TMEM108: variants seen among roughly 807,000 people sequenced by gnomAD.
The protein encoded by TMEM108 is cancer/testis antigen 124.
A neutral mutation model predicts 35.1 loss-of-function variants in TMEM108; 12 were observed. That is an observed-to-expected ratio of 0.34 (90% CI 0.22 to 0.55). TMEM108 has a LOEUF of 0.55. Among genes scored for constraint, TMEM108 ranks in the 20% least tolerant of loss-of-function variants. The probability of loss-of-function intolerance (pLI) is 0.89; values close to 1 mark genes in which losing one functional copy is unlikely to be tolerated. For missense variants in TMEM108, 680 were observed against 753.3 expected (o/e 0.90, Z 1.14); for synonymous variants, 287 against 308.6 (o/e 0.93, Z 0.73).
intron 4 of TMEM108, chr3:133,386,546 C>A: frequency 6.6e-7 from 1 of 1,516,722 alleles, no homozygotes; most frequent in South Asian, 1.2e-5. Flanking sequence ...GGATGACTCC[C>A]CAGTGACATT....
intron 2 of TMEM108, among the ~76,000 whole-genome samples, chr3:133,144,134 C>A (rs886577752): frequency 6.6e-6 from 1 of 151,910 alleles, no homozygotes; most frequent in African/African-American, 2.4e-5. Flanking sequence ...CCGCCCACAC[C>A]CTGACAGGCC....
chr3:133,123,213 G>C (rs1190668423), intron 2 of TMEM108, among the ~76,000 whole-genome samples: 1 of 152,058 alleles, frequency 6.6e-6, no homozygotes, highest in Non-Finnish European at 1.5e-5. Context: ...CATTGCATTG[G>C]TTTGCCATAA....
intron 3 of TMEM108, among the ~76,000 whole-genome samples, chr3:133,257,669 T>A (rs1300047300): frequency 6.6e-6 from 1 of 152,200 alleles, no homozygotes; most frequent in African/African-American, 2.4e-5. Flanking sequence ...TCCTTCCCCA[T>A]CTTTGAGAGC....
chr3:133,049,428 C>T (rs567759673), intron 2 of TMEM108, among the ~76,000 whole-genome samples: 29 of 152,294 alleles, frequency 1.9e-4, no homozygotes, highest in African/African-American at 7.0e-4. Flanking sequence ...ATCTGTTAGA[C>T]AGCACTGTTT....
At chr3:133,263,182 G>A (rs780686110) in intron 3 of TMEM108, among the ~76,000 whole-genome samples, 1 of 152,162 alleles carries the variant, frequency 6.6e-6, no homozygotes, top group African/African-American at 2.4e-5. Flanking sequence ...TACTTTCTTA[G>A]AGAAAAATAA....
intron 2 of TMEM108, among the ~76,000 whole-genome samples, chr3:133,176,271 A>C (rs1436279802): frequency 6.6e-6 from 1 of 152,074 alleles, no homozygotes; most frequent in African/African-American, 2.4e-5. Context: ...AACAAGACAG[A>C]AGGTTAACAA....
intron 2 of TMEM108, among the ~76,000 whole-genome samples, chr3:133,100,282 A>T (rs574173427): frequency 6.6e-6 from 1 of 152,188 alleles, no homozygotes; most frequent in Non-Finnish European, 1.5e-5. Flanking sequence ...AATTCTGGAG[A>T]TACAACTATA....
At chr3:133,273,846 A>T (rs1282671834) in intron 3 of TMEM108, among the ~76,000 whole-genome samples, 1 of 152,026 alleles carries the variant, frequency 6.6e-6, no homozygotes, top group African/African-American at 2.4e-5. Context: ...ACTCACTACC[A>T]CTCTGTGAGA....
chr3:133,070,745 A>ATGTGTGTGTG (rs10530634), intron 2 of TMEM108, among the ~76,000 whole-genome samples: 6,018 of 148,326 alleles, frequency 0.041, 151 homozygotes, highest in Middle Eastern at 0.088. Context: ...TCTCTGATGT[A>ATGTGTGTGTG]TGTGTGTGTG....
At chr3:133,117,035 G>A (rs1298172311) in intron 2 of TMEM108, among the ~76,000 whole-genome samples, 1 of 152,210 alleles carries the variant, frequency 6.6e-6, no homozygotes, top group African/African-American at 2.4e-5. Context: ...CTTCCAAAGT[G>A]CTGGGATTAC....
At chr3:133,388,866 G>C (rs1283143305) in intron 4 of TMEM108, 1 of 985,796 alleles carries the variant, frequency 1.0e-6, no homozygotes, top group Non-Finnish European at 1.2e-6. Flanking sequence ...CACCCCTGAT[G>C]CTGGCCAGAC....
intron 3 of TMEM108, among the ~76,000 whole-genome samples, chr3:133,332,323 A>C (rs1228569950): frequency 6.6e-6 from 1 of 152,214 alleles, no homozygotes; most frequent in Non-Finnish European, 1.5e-5. Context: ...AAAGTGGCTG[A>C]GGTGTCCAAT....
chr3:133,357,592 A>G (rs2072212689), intron 3 of TMEM108, among the ~76,000 whole-genome samples: 2 of 152,358 alleles, frequency 1.3e-5, no homozygotes, highest in South Asian at 4.1e-4. Flanking sequence ...AACACTACTC[A>G]GCCATAAAAA....
chr3:133,292,646 C>T (rs1446506512), intron 3 of TMEM108, among the ~76,000 whole-genome samples: 1 of 152,158 alleles, frequency 6.6e-6, no homozygotes, highest in East Asian at 1.9e-4. Flanking sequence ...GCTATGGGGA[C>T]CCTGGAGACA....
intron 2 of TMEM108, among the ~76,000 whole-genome samples, chr3:133,204,965 C>A (rs1337914094): frequency 1.3e-5 from 2 of 152,310 alleles, no homozygotes; most frequent in African/African-American, 4.8e-5. Flanking sequence ...TAAGAACTTA[C>A]TTTATGAATC....
Position 133,169,613 on chromosome 3 carries a change from T to C in TMEM108, c.-46-59653T>C, listed in dbSNP as rs143114634. On this transcript the variant is annotated intron_variant, in intron 2 of 5. Coordinates refer to ENST00000321871, the MANE Select transcript of TMEM108 (RefSeq NM_023943.4). Reference sequence around the variant, plus strand: ...CTAGAACAAATCATACTATGGAATATTATCAAAGCTATCATTTCCCATGTA... The same window carrying C: ...CTAGAACAAATCATACTATGGAATACTATCAAAGCTATCATTTCCCATGTA... Among the ~76,000 whole-genome samples the C allele has an allele frequency of 5.0e-3, 764 of 152,308 alleles. 8 individuals carry two copies. The highest frequency in any genetic ancestry group is 0.017 in the African/African-American group (727 of 41,570).
intron 2 of TMEM108, among the ~76,000 whole-genome samples, chr3:133,068,402 A>G (rs545430977): frequency 3.9e-4 from 60 of 152,272 alleles, no homozygotes; most frequent in African/African-American, 1.4e-3. Flanking sequence ...GAGGCAGGAT[A>G]AAACTGGCAT....
chr3:133,099,297 C>T (rs1201460742), intron 2 of TMEM108, among the ~76,000 whole-genome samples: 1 of 152,180 alleles, frequency 6.6e-6, no homozygotes, highest in Non-Finnish European at 1.5e-5. Context: ...TCCTAGGCTG[C>T]ACGCAGCATG....
chr3:133,082,684 C>A (rs938831929), intron 2 of TMEM108, among the ~76,000 whole-genome samples: 15 of 152,042 alleles, frequency 9.9e-5, no homozygotes, highest in African/African-American at 3.4e-4. Context: ...CAGGGTCTCA[C>A]CCTGTCTGCC....
Sources: gnomAD v4.1 joint callset for allele counts (sites outside exome capture counted in the v4.1 genomes callset) on GRCh38, gnomAD v4.1.1 for gene constraint, MANE v1.5 for transcripts, NCBI Gene and HGNC (gene_info 2026-07-23, HGNC 2026-07-21) for gene names.